Variants in KCNN2 observed in about 807,000 individuals in gnomAD.
KCNN2 encodes small conductance calcium-activated potassium channel protein 2.
KCNN2 carries 24 observed loss-of-function variants against 55.5 expected under a neutral mutation model. That is an observed-to-expected ratio of 0.43 (90% confidence interval 0.31 to 0.61). KCNN2 has a LOEUF of 0.61. Ranked by LOEUF, KCNN2 falls within the 20% of genes least tolerant of loss-of-function variation. The probability of loss-of-function intolerance (pLI) is 0.08; values close to 1 mark genes in which losing one functional copy is unlikely to be tolerated. For synonymous variants in KCNN2, 431 were observed against 336.1 expected (o/e 1.28, Z -3.09); for missense variants, 754 against 853.6 (o/e 0.88, Z 1.45).
At chr5:114,372,147 G>T (rs115886549) in intron 2 of KCNN2, among the ~76,000 whole-genome samples, 2 of 152,154 alleles carry the variant, frequency 1.3e-5, no homozygotes, top group Admixed American at 1.3e-4. Context: ...AGACTCCAGC[G>T]TTTAAATTGG....
chr5:114,276,040 A>C (rs2150010532), intron 2 of KCNN2, among the ~76,000 whole-genome samples: 1 of 152,160 alleles, frequency 6.6e-6, no homozygotes, highest in East Asian at 1.9e-4. Flanking sequence ...CTTTGTTCTC[A>C]TTGGTTTCAA....
At chr5:114,327,858 A>G (rs1756741341) in intron 2 of KCNN2, among the ~76,000 whole-genome samples, 1 of 152,238 alleles carries the variant, frequency 6.6e-6, no homozygotes, top group African/African-American at 2.4e-5. Flanking sequence ...GGACATGACA[A>G]GCAGTTAGTA....
intron 1 of KCNN2, among the ~76,000 whole-genome samples, chr5:114,118,885 A>G (rs1751773773): frequency 6.6e-6 from 1 of 152,088 alleles, no homozygotes; most frequent in African/African-American, 2.4e-5. Flanking sequence ...GCACCTTCGG[A>G]GACAAGATGG....
intron 2 of KCNN2, among the ~76,000 whole-genome samples, chr5:114,236,466 T>C (rs973315714): frequency 2.0e-5 from 3 of 152,250 alleles, no homozygotes; most frequent in African/African-American, 7.2e-5. Flanking sequence ...TTGATCCACA[T>C]ATAGCTACTA....
intron 3 of KCNN2, among the ~76,000 whole-genome samples, chr5:114,406,281 AT>A (rs1031243972): frequency 6.7e-6 from 1 of 149,170 alleles, no homozygotes; most frequent in African/African-American, 2.5e-5. Flanking sequence ...CTGCATCTAG[AT>A]TTTTTGTTGT....
intron 3 of KCNN2, among the ~76,000 whole-genome samples, chr5:114,459,927 C>G (rs182618348): frequency 1.4e-4 from 21 of 152,246 alleles, no homozygotes; most frequent in South Asian, 8.3e-4. Flanking sequence ...ATTTGTCTAT[C>G]TAAGATTTGA....
intron 2 of KCNN2, among the ~76,000 whole-genome samples, chr5:114,226,951 G>A (rs1036748927): frequency 6.7e-6 from 1 of 150,366 alleles, no homozygotes; most frequent in Non-Finnish European, 1.5e-5. Context: ...TAACAAATGA[G>A]TATCTAATTT....
chr5:114,462,945 A>G lies in KCNN2; in HGVS notation c.1638-104A>G, dbSNP rs145596907. 562 of 1,039,854 alleles carry G rather than the reference A, an allele frequency of 5.4e-4. 7 individuals carry two copies. In the East Asian group the frequency reaches 0.013, roughly 23 times the overall value. The allele number at this position is 1,039,854 out of a possible 1,614,324, so 64.4% of individuals were successfully genotyped here. ...AGCTTTGAAAACTTCTAAATATAGC[A>G]GTTTATAGAAGATACAGTAAATTCG... On this transcript the variant is annotated intron_variant, in intron 3 of 7. Coordinates refer to ENST00000673685, the MANE Select transcript of KCNN2 (RefSeq NM_021614.4).
chr5:114,189,626 A>G (rs758067895), intron 1 of KCNN2, among the ~76,000 whole-genome samples: 37 of 152,216 alleles, frequency 2.4e-4, no homozygotes, highest in Non-Finnish European at 4.0e-4. Flanking sequence ...CTTACTATAT[A>G]TCAGGCACTA....
intron 2 of KCNN2, among the ~76,000 whole-genome samples, chr5:114,270,224 T>TA (rs1755299538): frequency 6.6e-6 from 1 of 152,206 alleles, no homozygotes; most frequent in African/African-American, 2.4e-5. Flanking sequence ...TTTTACTCTC[T>TA]AATAAGTTCA....
intron 1 of KCNN2, among the ~76,000 whole-genome samples, chr5:114,078,114 GGTCT>G (rs760163115): frequency 3.9e-5 from 6 of 152,066 alleles, no homozygotes; most frequent in African/African-American, 7.2e-5. Flanking sequence ...AAATCAGGGA[GGTCT>G]AGTCATAACA....
chr5:114,270,587 G>A (rs898050356), intron 2 of KCNN2, among the ~76,000 whole-genome samples: 9 of 152,112 alleles, frequency 5.9e-5, no homozygotes, highest in African/African-American at 2.2e-4. Context: ...GAAACACAAT[G>A]GGAATCATTA....
intron 4 of KCNN2, among the ~76,000 whole-genome samples, chr5:114,467,596 C>G (rs1761517335): frequency 6.6e-6 from 1 of 152,088 alleles, no homozygotes; most frequent in Non-Finnish European, 1.5e-5. Context: ...TGCAGAGCAG[C>G]TGGAGGAGAT....
intron 1 of KCNN2, among the ~76,000 whole-genome samples, chr5:114,193,430 A>C (rs896645628): frequency 6.6e-6 from 1 of 152,108 alleles, no homozygotes; most frequent in African/African-American, 2.4e-5. Flanking sequence ...AAAGTCCTCA[A>C]CGCACACCTC....
chr5:114,379,530 CATATT>C (rs1561596407), intron 2 of KCNN2, among the ~76,000 whole-genome samples: 2 of 92,992 alleles, frequency 2.2e-5, no homozygotes, highest in East Asian at 2.2e-4. Flanking sequence ...TATTATATAA[CATATT>C]ATATATTATA....
rs1754109470 is a variant in KCNN2, at chr5:114,220,432, T to C, written c.-270-1048T>C. 3.3e-5 allele frequency among the ~76,000 whole-genome samples: 5 copies of C among 151,960 alleles called. No homozygotes were observed. The South Asian group carries it at 1.0e-3, about 32-fold the overall frequency. ...GCCAAATTTTATGAAATAGGGCCAA[T>C]AAACTCAATAATCAAGTAAATTATC... is the stretch of plus-strand genomic sequence containing the variant. On this transcript the variant is annotated intron_variant, in intron 1 of 10. Coordinates refer to the KCNN2 transcript ENST00000512097.
At chr5:114,310,687 G>A (rs771486028) in intron 2 of KCNN2, among the ~76,000 whole-genome samples, 46 of 152,062 alleles carry the variant, frequency 3.0e-4, no homozygotes, top group African/African-American at 8.2e-4. Flanking sequence ...GGAATATTTC[G>A]TAATTTATAA....
At chr5:114,143,552 C>CT (rs1752333249) in intron 1 of KCNN2, among the ~76,000 whole-genome samples, 1 of 152,136 alleles carries the variant, frequency 6.6e-6, no homozygotes, top group South Asian at 2.1e-4. Context: ...CCTCGTGCGT[C>CT]CATTTATAGG....
At chr5:114,134,462 T>TTGATTGATTG (rs780804439) in intron 1 of KCNN2, among the ~76,000 whole-genome samples, 674 of 58,724 alleles carry the variant, frequency 0.011, 6 homozygotes, top group African/African-American at 0.029. Flanking sequence ...AACCATGATT[T>TTGATTGATTG]ATTTATTTAT....
Sources: gnomAD v4.1 joint callset for allele counts (sites outside exome capture counted in the v4.1 genomes callset) on GRCh38, gnomAD v4.1.1 for gene constraint, MANE v1.5 for transcripts, NCBI Gene and HGNC (gene_info 2026-07-23, HGNC 2026-07-21) for gene names.